RPS23: variants seen among roughly 807,000 people sequenced by gnomAD.
RPS23 encodes ribosomal protein S23, also known as small ribosomal subunit protein uS12.
For missense variants in RPS23, 73 were observed against 174.5 expected (o/e 0.42, Z 3.28); for synonymous variants, 66 against 60.4 (o/e 1.09, Z -0.43).
chr5:82,275,891 T>C lies in RPS23; in HGVS notation c.*218A>G, dbSNP rs1581864052. ...CAGGATGAGGGAAACTGTGCCAGGT[T>C]ACAAATGTTATTAACTCTAGAGAAT... On this transcript the variant is annotated 3_prime_UTR_variant, in exon 4 of 4. Transcript: ENST00000296674. The C allele has an allele frequency of 1.9e-6, 1 of 532,216 alleles. No individual in the cohort carries two copies. Among genetic ancestry groups the C allele is most frequent in the Non-Finnish European group, 3.3e-6 (1 of 299,202 alleles). 33.0% of individuals were successfully genotyped at this position (532,216 alleles called of 1,614,324 possible). A position where few individuals can be genotyped will look rare whatever the true frequency, so the allele number is the denominator to read the frequency against.
intron 1 of RPS23, 168 bp downstream of exon 1, chr5:82,278,152 G>T: frequency 1.1e-6 from 1 of 899,810 alleles, no homozygotes; most frequent in South Asian, 1.7e-5. Flanking sequence ...ACGCCTCATG[G>T]GCCCCTTCCG....
Position 82,276,384 on chromosome 5 carries a change from G to A in RPS23, c.285+14C>T. On this transcript the variant is annotated intron_variant, in intron 3 of 3. Coordinates refer to ENST00000296674, the MANE Select transcript of RPS23 (RefSeq NM_001025.5). The stretch of plus-strand genomic sequence containing the variant: ...CCCCAAGAACAGAAGGTACGATAGA[G>A]TTGAAATACTCACCTCAATAAAGTT... 6.2e-7 allele frequency: 1 copy of A among 1,613,912 alleles called. No homozygotes were observed. The highest frequency in any genetic ancestry group is 2.2e-5 in the East Asian group (1 of 44,880).
rs1747704514 is a variant in RPS23 at position 82,273,427 on chromosome 5, TAAAGATTTCACATG to T, written c.*2668_*2681del. 1 of 149,232 alleles carries T rather than the reference TAAAGATTTCACATG, an allele frequency of 6.7e-6. No homozygotes were observed. The highest frequency in any genetic ancestry group is 1.5e-5 in the Non-Finnish European group (1 of 68,016). 9.2% of individuals were successfully genotyped at this position (149,232 alleles called of 1,614,324 possible). On this transcript the variant is annotated 3_prime_UTR_variant, in exon 4 of 4. Coordinates refer to ENST00000296674, the MANE Select transcript of RPS23 (RefSeq NM_001025.5). Reference sequence around the variant, plus strand: ...TGTCCCTTTTAAGGGCTCACAACACTAAAGATTTCACATGAAAGGGTCGTGATTGATTGAGCAAT... The same window carrying T: ...TGTCCCTTTTAAGGGCTCACAACACTAAAGGGTCGTGATTGATTGAGCAAT...
chr5:82,276,704 A>C (rs147016407), intron 2 of RPS23, 186 bp from the exon 3 acceptor site: 2 of 687,452 alleles, frequency 2.9e-6, no homozygotes, highest in African/African-American at 3.6e-5. Flanking sequence ...AATGGGGGAA[A>C]TTTCTAGACC....
At position 82,276,528 on chromosome 5, in the gene RPS23, A is replaced by C; in HGVS notation, c.165-10T>G. ...TTTGGCTTCAACTCCTCTGAAATAC[A>C]AAAGGCACAGCACTGTGAGCTGGCT... On this transcript the variant is annotated splice_polypyrimidine_tract_variant and intron_variant, in intron 2 of 3. Coordinates refer to ENST00000296674, the MANE Select transcript of RPS23 (RefSeq NM_001025.5). 1.2e-6 allele frequency: 2 copies of C among 1,613,946 alleles called. No individual in the cohort carries two copies. Among genetic ancestry groups the C allele is most frequent in the Non-Finnish European group, 1.7e-6 (2 of 1,179,872 alleles).
intron 1 of RPS23, 82 bp downstream of exon 1, chr5:82,278,238 C>T (rs1367622325): frequency 6.9e-7 from 1 of 1,445,936 alleles, no homozygotes; most frequent in Non-Finnish European, 9.5e-7. Flanking sequence ...ATCCCCCGCC[C>T]TACTCTATTC....
Position 82,276,410 on chromosome 5 carries a change from C to T in RPS23, c.273G>A (p.Leu91=). The change falls in exon 3 of 4, where the codon TTG becomes TTA. Residue 91 remains leucine (L), a synonymous_variant. Transcript: ENST00000296674. ...TTGAAATACTCACCTCAATAAAGTT[C>T]AAGCAACCGTCATTGGGTACAAAGG... is the stretch of plus-strand genomic sequence containing the variant. ...ITAFVPNDGC[L]NFIEENDEVL... The T allele has an allele frequency of 6.2e-7, 1 of 1,613,990 alleles. No individual in the cohort carries two copies. The highest frequency in any genetic ancestry group is 2.2e-5 in the East Asian group (1 of 44,882).
At chr5:82,276,377 C>T (rs368430566) in intron 3 of RPS23, 21 bp downstream of exon 3, 43 of 1,613,754 alleles carry the variant, frequency 2.7e-5, no homozygotes, top group South Asian at 7.7e-5. Flanking sequence ...ACAGAAGGTA[C>T]GATAGAGTTG....
In RPS23 at chr5:82,275,578, C is replaced by T. The variant is rs1201239610; in HGVS notation, c.*531G>A. 1.1e-5 allele frequency: 5 copies of T among 447,786 alleles called. No individual in the cohort carries two copies. Among genetic ancestry groups the T allele is most frequent in the African/African-American group, 9.9e-5 (5 of 50,644 alleles). 27.7% of individuals were successfully genotyped at this position (447,786 alleles called of 1,614,324 possible). A position where few individuals can be genotyped will look rare whatever the true frequency, so the allele number is the denominator to read the frequency against. ...AGACACATTACAACACAGATCCTGA[C>T]ACCTTTAAATAATAAACAGAGTGGG... On this transcript the variant is annotated 3_prime_UTR_variant, in exon 4 of 4. Coordinates refer to ENST00000296674, the MANE Select transcript of RPS23 (RefSeq NM_001025.5).
Position 82,273,969 on chromosome 5 carries a change from A to G in RPS23, c.*2140T>C, listed in dbSNP as rs1747714313. The G allele has an allele frequency of 6.6e-6, 1 of 152,186 alleles. No individual in the cohort carries two copies. The highest frequency in any genetic ancestry group is 6.5e-5 in the Admixed American group (1 of 15,280). 9.4% of individuals were successfully genotyped at this position (152,186 alleles called of 1,614,324 possible). On this transcript the variant is annotated 3_prime_UTR_variant, in exon 4 of 4. Transcript: ENST00000296674. ...GCTTTTGGTGTAATGTCTAAAAACT[A>G]TACCTACGCCTAGGTTGTAAAGATA...
chr5:82,275,593 AAC>A lies in RPS23; in HGVS notation c.*514_*515del, dbSNP rs763956603. 179 of 400,290 alleles carry A rather than the reference AAC, an allele frequency of 4.5e-4. No individual in the cohort carries two copies. Among genetic ancestry groups the A allele is most frequent in the Admixed American group, 7.7e-4 (19 of 24,634 alleles). 24.8% of individuals were successfully genotyped at this position (400,290 alleles called of 1,614,324 possible). ...CAGATCCTGACACCTTTAAATAATA[AAC>A]AGAGTGGGGAGCAATTTTGAGTTTA... On this transcript the variant is annotated 3_prime_UTR_variant, in exon 4 of 4. Transcript: ENST00000296674.
At chr5:82,278,167 G>A (rs1747993894) in intron 1 of RPS23, 153 bp downstream of exon 1, 2 of 1,017,778 alleles carry the variant, frequency 2.0e-6, no homozygotes, top group Admixed American at 2.7e-5. Flanking sequence ...CTTCCGCGCC[G>A]GACCACGTGC....
In RPS23 at chr5:82,277,547, GAACA is replaced by G. The variant is rs567179174; in HGVS notation, c.164+142_164+145del. The G allele has an allele frequency of 2.5e-3, 2,067 of 832,022 alleles. 7 individuals are homozygous for G. Among genetic ancestry groups the G allele is most frequent in the Non-Finnish European group, 3.5e-3 (1,759 of 498,826 alleles). The allele number at this position is 832,022 out of a possible 1,614,324, so 51.5% of individuals were successfully genotyped here. On this transcript the variant is annotated intron_variant, in intron 2 of 3. Transcript: ENST00000296674. ...AACTAATTTTACCAACTTTTAAATA[GAACA>G]AACGCTTTGCAATTTTACCCCACAA...
intron 2 of RPS23, chr5:82,277,481 G>A (rs535518727): frequency 2.5e-4 from 143 of 581,444 alleles, no homozygotes; most frequent in Non-Finnish European, 3.7e-4. Flanking sequence ...ATTCCTTCCA[G>A]GCCAACGTTA....
At position 82,278,311 on chromosome 5, in the gene RPS23, A is replaced by G. The variant is rs529284830; in HGVS notation, c.4+9T>C. 6.2e-7 allele frequency: 1 copy of G among 1,610,400 alleles called. No individual in the cohort carries two copies. The highest frequency in any genetic ancestry group is 8.5e-7 in the Non-Finnish European group (1 of 1,178,624). ...TTGCAGCGCCCTTAAACCGGCCACA[A>G]CAGCTCACCCATCCTGTCGGCGCCA... On this transcript the variant is annotated intron_variant, in intron 1 of 3. Coordinates refer to ENST00000296674, the MANE Select transcript of RPS23 (RefSeq NM_001025.5).
Position 82,276,018 on chromosome 5 carries a change from A to G in RPS23, c.*91T>C. 4.8e-6 allele frequency: 6 copies of G among 1,254,914 alleles called. No individual in the cohort carries two copies. The highest frequency in any genetic ancestry group is 6.7e-6 in the Non-Finnish European group (6 of 895,528). The allele number at this position is 1,254,914 out of a possible 1,614,324, so 77.7% of individuals were successfully genotyped here. A position where few individuals can be genotyped will look rare whatever the true frequency, so the allele number is the denominator to read the frequency against. ...AGGGGGGGTGGTGGTGGTAATGAAC[A>G]TGATCTTCGTGGTGAGAACAGGGGA... On this transcript the variant is annotated 3_prime_UTR_variant, in exon 4 of 4. Transcript: ENST00000296674.
At position 82,277,675 on chromosome 5, in the gene RPS23, CG is replaced by C; in HGVS notation, c.164+17del. 1 of 1,611,768 alleles carries C rather than the reference CG, an allele frequency of 6.2e-7. No homozygotes were observed. Among genetic ancestry groups the C allele is most frequent in the Non-Finnish European group, 8.5e-7 (1 of 1,178,468 alleles). ...ATTCCTATAATAAACTAAAACTTGA[CG>C]GGAGCAATGGACTTACACTTTTTCC... is the stretch of plus-strand genomic sequence containing the variant. On this transcript the variant is annotated intron_variant, in intron 2 of 3. Transcript: ENST00000296674.
Position 82,274,366 on chromosome 5 carries a change from A to G in RPS23, c.*1743T>C, listed in dbSNP as rs748711794. ...TTCTGGATCTGAGGCGCCGGAGATT[A>G]TTTATGGGTCAATCTGGCAGCCCCT... On this transcript the variant is annotated 3_prime_UTR_variant, in exon 4 of 4. Coordinates refer to ENST00000296674, the MANE Select transcript of RPS23 (RefSeq NM_001025.5). The G allele has an allele frequency of 5.2e-5, 8 of 152,414 alleles. No homozygotes were observed. The highest frequency in any genetic ancestry group is 7.3e-5 in the Non-Finnish European group (5 of 68,256). 9.4% of individuals were successfully genotyped at this position (152,414 alleles called of 1,614,324 possible).
chr5:82,277,372 C>T lies in RPS23; in HGVS notation c.164+321G>A, dbSNP rs964583470. On this transcript the variant is annotated intron_variant, in intron 2 of 3. Transcript: ENST00000296674. ...TCTCTTCACCTTAGTTTTATCAAGTCGATAAAGTTCAATAGCTGACACGTG... is the reference window on the plus strand; with the variant it reads ...TCTCTTCACCTTAGTTTTATCAAGTTGATAAAGTTCAATAGCTGACACGTG... 4 of 362,334 alleles carry T rather than the reference C, an allele frequency of 1.1e-5. No individual in the cohort carries two copies. In the Admixed American group the frequency reaches 1.4e-4, roughly 12 times the overall value. The allele number at this position is 362,334 out of a possible 1,614,324, so 22.4% of individuals were successfully genotyped here. A position where few individuals can be genotyped will look rare whatever the true frequency, so the allele number is the denominator to read the frequency against.
Sources: allele counts gnomAD v4.1 joint callset, GRCh38; gene constraint gnomAD v4.1.1; transcripts MANE v1.5; gene names NCBI Gene and HGNC (gene_info 2026-07-23, HGNC 2026-07-21).